The following RTN1 variants were observed in gnomAD, a reference collection of about 807,000 sequenced individuals.
RTN1 encodes reticulon-1.
Under a neutral mutation model 65.5 loss-of-function variants are expected in RTN1, and 25 were observed. The ratio of observed to expected loss-of-function variants is 0.38; its 90% CI spans 0.28 to 0.53. RTN1 has a LOEUF of 0.53. RTN1 is among the 20% of genes least tolerant of loss of function. RTN1 has a pLI of 0.79. For synonymous variants in RTN1, 471 were observed against 447.6 expected, an observed-to-expected ratio of 1.05 and a Z score of -0.66; for missense variants, 983 against 1,025.4, an observed-to-expected ratio of 0.96 and a Z score of 0.57.
At chr14:59,638,286 C>A (rs1440346916) in intron 3 of RTN1, among the ~76,000 whole-genome samples, 1 of 152,146 alleles carries the variant, frequency 6.6e-6, no homozygotes, top group Non-Finnish European at 1.5e-5. Flanking sequence ...CTTAGGTGAC[C>A]AGGTTCATGG....
intron 1 of RTN1, among the ~76,000 whole-genome samples, chr14:59,835,484 T>G (rs1242956697): frequency 6.6e-6 from 1 of 152,184 alleles, no homozygotes; most frequent in African/African-American, 2.4e-5. Flanking sequence ...AAAACTTTTT[T>G]AAAAGACAAT....
chr14:59,848,954 C>A (rs996035352), intron 1 of RTN1, among the ~76,000 whole-genome samples: 2 of 151,148 alleles, frequency 1.3e-5, no homozygotes, highest in Non-Finnish European at 3.0e-5. Context: ...TCCCCACCCC[C>A]CCGGGAAGAA....
Position 59,641,913 on chromosome 14 carries a change from C to T in RTN1, c.1766-34421G>A, listed in dbSNP as rs192340606. ...ATTAATAATCTTTCACATTTACTCA[C>T]ATATTTATCCTTTCCAGTGTTTTTC... On this transcript the variant is annotated intron_variant, in intron 3 of 8. Coordinates refer to ENST00000267484, the MANE Select transcript of RTN1 (RefSeq NM_021136.3). Among the ~76,000 whole-genome samples, 300 of 152,276 alleles carry T rather than the reference C, an allele frequency of 2.0e-3. 4 individuals are homozygous for T. Among genetic ancestry groups the T allele is most frequent in the Non-Finnish European group, 5.3e-4 (36 of 68,034 alleles).
intron 3 of RTN1, among the ~76,000 whole-genome samples, chr14:59,652,515 C>A (rs1489031816): frequency 1.3e-5 from 2 of 152,154 alleles, no homozygotes; most frequent in African/African-American, 4.8e-5. Context: ...TGAACAAGCT[C>A]ATGTCTTTTG....
At chr14:59,818,914 A>G (rs1414549930) in intron 1 of RTN1, among the ~76,000 whole-genome samples, 1 of 152,232 alleles carries the variant, frequency 6.6e-6, no homozygotes, top group Non-Finnish European at 1.5e-5. Context: ...GCTGACTTCA[A>G]CAATGAAGAC....
At position 59,682,555 on chromosome 14, in the gene RTN1, T is replaced by C. The variant is rs987708616; in HGVS notation, c.1765+44364A>G. ...AAAGTAGATGCCTAATAAATGTGTA[T>C]TGAACAAATGGAAACAAACACAAGT... On this transcript the variant is annotated intron_variant, in intron 3 of 8. Coordinates refer to ENST00000267484, the MANE Select transcript of RTN1 (RefSeq NM_021136.3). Among the ~76,000 whole-genome samples the C allele has an allele frequency of 6.6e-5, 10 of 152,242 alleles. No homozygotes were observed. In the East Asian group the frequency reaches 1.2e-3, roughly 18 times the overall value.
chr14:59,752,894 G>C (rs1443548913), intron 1 of RTN1, among the ~76,000 whole-genome samples: 1 of 152,178 alleles, frequency 6.6e-6, no homozygotes, highest in African/African-American at 2.4e-5. Flanking sequence ...AATACAGCAA[G>C]AGTATTCTCA....
intron 3 of RTN1, among the ~76,000 whole-genome samples, chr14:59,696,509 C>T (rs201082703): frequency 6.7e-6 from 1 of 149,440 alleles, no homozygotes; most frequent in East Asian, 1.9e-4. Context: ...AAGTCTGTTG[C>T]TGAATTGATT....
At chr14:59,697,587 A>G (rs1289552250) in intron 3 of RTN1, among the ~76,000 whole-genome samples, 1 of 152,188 alleles carries the variant, frequency 6.6e-6, no homozygotes, top group African/African-American at 2.4e-5. Flanking sequence ...CAAATATTTC[A>G]AGAAAAATAG....
chr14:59,731,701 G>C (rs1409810937), intron 2 of RTN1, among the ~76,000 whole-genome samples: 1 of 152,132 alleles, frequency 6.6e-6, no homozygotes, highest in Non-Finnish European at 1.5e-5. Context: ...TCGTTTTTGA[G>C]TTCTCATCTT....
intron 3 of RTN1, among the ~76,000 whole-genome samples, chr14:59,653,967 C>T (rs1461859366): frequency 2.0e-5 from 3 of 151,930 alleles, no homozygotes; most frequent in Non-Finnish European, 4.4e-5. Context: ...GGCACAATAT[C>T]GGCTCACTGC....
intron 3 of RTN1, among the ~76,000 whole-genome samples, chr14:59,683,742 T>C (rs1883789179): frequency 6.6e-6 from 1 of 152,174 alleles, no homozygotes; most frequent in Admixed American, 6.5e-5. Context: ...TCTTATTTCC[T>C]TAGTATCTTT....
chr14:59,646,478 C>T lies in RTN1; in HGVS notation c.1766-38986G>A, dbSNP rs576734972. ...ATACAGAGAACCTCTGCAAGATTCTCCATAAGAATATCATCACCAAGATAC... is the reference window on the plus strand; with the variant it reads ...ATACAGAGAACCTCTGCAAGATTCTTCATAAGAATATCATCACCAAGATAC... On this transcript the variant is annotated intron_variant, in intron 3 of 8. Transcript: ENST00000267484. Among the ~76,000 whole-genome samples the T allele has an allele frequency of 9.9e-5, 15 of 152,220 alleles. No individual in the cohort carries two copies. In the South Asian group the frequency reaches 3.1e-3, roughly 32 times the overall value.
chr14:59,630,714 C>A, intron 3 of RTN1: 1 of 1,129,618 alleles, frequency 8.9e-7, no homozygotes, highest in Non-Finnish European at 1.1e-6. Flanking sequence ...CGGCGCGGCC[C>A]CGGAGCCGCC....
At chr14:59,791,264 G>A (rs1163913972) in intron 1 of RTN1, among the ~76,000 whole-genome samples, 1 of 152,074 alleles carries the variant, frequency 6.6e-6, no homozygotes, top group East Asian at 1.9e-4. Context: ...AACCTGAACA[G>A]TTCTGTCAAG....
At chr14:59,700,232 A>G (rs1473298073) in intron 3 of RTN1, among the ~76,000 whole-genome samples, 1 of 152,186 alleles carries the variant, frequency 6.6e-6, no homozygotes, top group Admixed American at 6.5e-5. Flanking sequence ...TAAATTAAAT[A>G]GGGCCTAAAT....
intron 1 of RTN1, among the ~76,000 whole-genome samples, chr14:59,749,404 C>CTATATCTATATATATCTATATATCTATA (rs1332736779): frequency 6.5e-5 from 2 of 30,922 alleles, no homozygotes; most frequent in Non-Finnish European, 9.4e-5. Flanking sequence ...CTATATATAT[C>CTATATCTATATATATCTATATATCTATA]TATATCTATA....
chr14:59,641,911 C>T, intron 3 of RTN1, among the ~76,000 whole-genome samples: 1 of 152,128 alleles, frequency 6.6e-6, no homozygotes, highest in South Asian at 2.1e-4. Context: ...CACATTTACT[C>T]ACATATTTAT....
intron 3 of RTN1, among the ~76,000 whole-genome samples, chr14:59,626,413 A>G (rs1882401211): frequency 6.6e-6 from 1 of 152,204 alleles, no homozygotes; most frequent in East Asian, 1.9e-4. Context: ...CACGCAGAGT[A>G]AAGTGGGAGG....
Sources: allele counts gnomAD v4.1 joint callset (sites outside exome capture counted in the v4.1 genomes callset), GRCh38; gene constraint gnomAD v4.1.1; transcripts MANE v1.5; gene names NCBI Gene and HGNC (gene_info 2026-07-23, HGNC 2026-07-21).